The following NBAS variants were observed in gnomAD, a reference collection of about 807,000 sequenced individuals.
The protein encoded by NBAS is NBAS subunit of NRZ tethering complex, also known as NAG/BC035112 fusion.
In NBAS, 219 loss-of-function variants were observed where a neutral mutation model predicts 302.5. The ratio of observed to expected loss-of-function variants is 0.72; its 90% CI spans 0.65 to 0.81. The LOEUF is 0.81. Ranked by LOEUF, NBAS falls within the 30% of genes least tolerant of loss-of-function variation. NBAS has a pLI of 0.00. For missense variants in NBAS, 2,932 were observed against 2,841.6 expected (o/e 1.03, Z -0.72); for synonymous variants, 1,118 against 1,021.6 (o/e 1.09, Z -1.80).
the NBAS span, among the ~76,000 whole-genome samples, chr2:14,956,186 A>C: frequency 6.6e-6 from 1 of 152,174 alleles, no homozygotes; most frequent in African/African-American, 2.4e-5. Flanking sequence ...ATTCCAGTTC[A>C]TAACAAGTTT....
intron 21 of NBAS, among the ~76,000 whole-genome samples, chr2:15,446,477 A>G (rs2148527948): frequency 6.6e-6 from 1 of 152,286 alleles, no homozygotes; most frequent in South Asian, 2.1e-4. Context: ...AAACTAAGCA[A>G]AGATTTCTCC....
intron 38 of NBAS, among the ~76,000 whole-genome samples, chr2:15,318,529 T>C (rs897218716): frequency 1.3e-5 from 2 of 151,774 alleles, no homozygotes; most frequent in Admixed American, 1.3e-4. Flanking sequence ...ATACATAGCC[T>C]CAAAATAAAG....
chr2:15,266,503 C>T (rs1045872405), intron 44 of NBAS, among the ~76,000 whole-genome samples: 4 of 152,188 alleles, frequency 2.6e-5, no homozygotes, highest in African/African-American at 9.6e-5. Flanking sequence ...GGATCCTATC[C>T]AAGGTGAATT....
At chr2:15,317,388 T>C (rs1206712237) in intron 38 of NBAS, among the ~76,000 whole-genome samples, 1 of 152,186 alleles carries the variant, frequency 6.6e-6, no homozygotes, top group Non-Finnish European at 1.5e-5. Context: ...CAAAGATGGA[T>C]GGAGAATGAT....
the NBAS span, among the ~76,000 whole-genome samples, chr2:14,838,006 C>T: frequency 6.6e-6 from 1 of 151,884 alleles, no homozygotes; most frequent in African/African-American, 2.4e-5. Context: ...GATATTCTCA[C>T]ATTTAAGATA....
chr2:15,481,108 T>C (rs1224208833), intron 12 of NBAS, among the ~76,000 whole-genome samples: 2 of 152,340 alleles, frequency 1.3e-5, no homozygotes, highest in South Asian at 4.1e-4. Context: ...ATCTTTCACT[T>C]AGTATAATAT....
chr2:14,884,629 T>A, the NBAS span, among the ~76,000 whole-genome samples: 1 of 152,310 alleles, frequency 6.6e-6, no homozygotes, highest in East Asian at 1.9e-4. Context: ...GTGCATGCCC[T>A]AATCTAGCAC....
At chr2:15,508,238 T>C (rs1013607515) in intron 10 of NBAS, among the ~76,000 whole-genome samples, 4 of 152,206 alleles carry the variant, frequency 2.6e-5, no homozygotes, top group Non-Finnish European at 5.9e-5. Flanking sequence ...CACAAGCAAT[T>C]TTCTTTTAAA....
the NBAS span, among the ~76,000 whole-genome samples, chr2:14,908,756 GA>G: frequency 6.6e-6 from 1 of 152,140 alleles, no homozygotes; most frequent in Admixed American, 6.5e-5. Flanking sequence ...GCATTTTTGT[GA>G]GTCTGCCAAC....
the NBAS span, among the ~76,000 whole-genome samples, chr2:14,797,592 G>C: frequency 6.6e-6 from 1 of 152,132 alleles, no homozygotes; most frequent in Non-Finnish European, 1.5e-5. Flanking sequence ...CTGGAAGCTG[G>C]AGCCTGTCAT....
At chr2:14,853,040 G>A in the NBAS span, among the ~76,000 whole-genome samples, 1 of 148,560 alleles carries the variant, frequency 6.7e-6, no homozygotes, top group Non-Finnish European at 1.5e-5. Flanking sequence ...AACACCAAAA[G>A]CAATGGCAAC....
At chr2:15,410,328 C>A (rs953111386) in intron 25 of NBAS, among the ~76,000 whole-genome samples, 6 of 152,190 alleles carry the variant, frequency 3.9e-5, no homozygotes, top group African/African-American at 1.4e-4. Context: ...GTAGCCCAAA[C>A]AATTCCCAAG....
intron 47 of NBAS, among the ~76,000 whole-genome samples, chr2:15,221,325 T>C (rs1270443416): frequency 6.6e-6 from 1 of 152,202 alleles, no homozygotes; most frequent in African/African-American, 2.4e-5. Flanking sequence ...GTGTGTCACC[T>C]GGAGTCTGTG....
At chr2:15,364,591 G>A (rs943409611) in intron 32 of NBAS, among the ~76,000 whole-genome samples, 12 of 152,116 alleles carry the variant, frequency 7.9e-5, no homozygotes, top group Non-Finnish European at 4.4e-5. Context: ...ACTGACTCCA[G>A]GAGACTTCAG....
the NBAS span, among the ~76,000 whole-genome samples, chr2:15,136,878 T>A: frequency 1.3e-5 from 2 of 152,222 alleles, no homozygotes; most frequent in Non-Finnish European, 2.9e-5. Context: ...CCTGCTGCCA[T>A]GTAAGACGTG....
At chr2:15,205,478 T>TA (rs35089833) in intron 48 of NBAS, among the ~76,000 whole-genome samples, 87,534 of 149,012 alleles carry the variant, frequency 0.59, 27,846 homozygotes, top group East Asian at 0.85. Flanking sequence ...TTGAATAAAT[T>TA]AAAAAAAAAA....
intron 40 of NBAS, among the ~76,000 whole-genome samples, chr2:15,300,918 C>T (rs1670767723): frequency 6.6e-6 from 1 of 152,148 alleles, no homozygotes; most frequent in South Asian, 2.1e-4. Flanking sequence ...AGAGGCACAA[C>T]AAAGGATGTT....
At chr2:14,878,900 A>G in the NBAS span, among the ~76,000 whole-genome samples, 1 of 152,054 alleles carries the variant, frequency 6.6e-6, no homozygotes, top group Admixed American at 6.5e-5. Context: ...TGTGTCGACC[A>G]TTATAGCATC....
chr2:15,484,323 T>C (rs998024076), intron 12 of NBAS, among the ~76,000 whole-genome samples: 8 of 152,168 alleles, frequency 5.3e-5, no homozygotes, highest in Non-Finnish European at 2.9e-5. Context: ...TGTAAGTAGA[T>C]ATTCTGAAAA....
Sources: gnomAD v4.1 joint callset for allele counts (sites outside exome capture counted in the v4.1 genomes callset) on GRCh38, gnomAD v4.1.1 for gene constraint, MANE v1.5 for transcripts, NCBI Gene and HGNC (gene_info 2026-07-23, HGNC 2026-07-21) for gene names.